The following OTC variants were observed in gnomAD, a reference collection of about 807,000 sequenced individuals.
The protein encoded by OTC is ornithine transcarbamylase.
Under a neutral mutation model 30.3 loss-of-function variants are expected in OTC, and 3 were observed. That is an observed-to-expected ratio of 0.10 (90% CI 0.05 to 0.26). OTC has a LOEUF of 0.26. Ranked by LOEUF, OTC falls within the 10% of genes least tolerant of loss-of-function variation. The pLI is 1.00. For missense variants in OTC, 194 were observed against 260.3 expected (o/e 0.75, Z 1.75); for synonymous variants, 111 against 99.7 (o/e 1.11, Z -0.67).
At chrX:38,349,807 G>A (rs970684942), upstream of OTC, among the ~76,000 whole-genome samples, 42 of 112,111 alleles carry the variant, frequency 3.7e-4, no homozygotes, top group African/African-American at 1.3e-3. Flanking sequence ...GGGGAAGACC[G>A]AATGCCAAGG....
intron 2 of OTC, among the ~76,000 whole-genome samples, chrX:38,369,286 A>G (rs764050165): frequency 1.8e-5 from 2 of 112,016 alleles, no homozygotes; most frequent in African/African-American, 6.5e-5. Flanking sequence ...TTACATGTCA[A>G]TAAGCTGTGG....
chrX:38,380,889 C>T (rs752349885), intron 3 of OTC, among the ~76,000 whole-genome samples: 8 of 111,194 alleles, frequency 7.2e-5, no homozygotes, highest in Non-Finnish European at 1.1e-4. Context: ...CCACCACGTC[C>T]GGCTAATTTT....
At chrX:38,337,461 A>G in the OTC span, among the ~76,000 whole-genome samples, 2 of 111,668 alleles carry the variant, frequency 1.8e-5, no homozygotes, top group Middle Eastern at 9.2e-3. Flanking sequence ...TCCAGTCTCT[A>G]ATCTTGTTCC....
intron 8 of OTC, among the ~76,000 whole-genome samples, chrX:38,410,921 G>T (rs189516864): frequency 4.5e-5 from 5 of 112,040 alleles, no homozygotes; most frequent in African/African-American, 1.6e-4. Flanking sequence ...TAATTTTGAG[G>T]TAAGAAAGTA....
intron 1 of OTC, among the ~76,000 whole-genome samples, chrX:38,356,391 C>T (rs1276440521): frequency 8.9e-6 from 1 of 111,860 alleles, no homozygotes; most frequent in Non-Finnish European, 1.9e-5. Context: ...GTAGAAAAAA[C>T]TGAGTTCTTT....
chrX:38,412,170 T>C (rs1291678327), intron 9 of OTC, among the ~76,000 whole-genome samples, 171 bp downstream of exon 9: 1 of 112,271 alleles, frequency 8.9e-6, no homozygotes, highest in East Asian at 2.8e-4. Context: ...CTTATTAGCA[T>C]TTATAGTGTA....
At chrX:38,412,035 T>C in intron 9 of OTC, 36 bp downstream of exon 9, 2 of 1,196,028 alleles carry the variant, frequency 1.7e-6, no homozygotes, top group South Asian at 3.5e-5. Flanking sequence ...ATAAGTTCTT[T>C]GTGTGGTTCC....
intron 4 of OTC, among the ~76,000 whole-genome samples, chrX:38,389,284 C>T (rs778116039): frequency 3.0e-4 from 33 of 111,022 alleles, no homozygotes; most frequent in Admixed American, 5.8e-4. Context: ...CCCTATGACA[C>T]CATAAAAGGG....
At chrX:38,334,170 T>A in the OTC span, among the ~76,000 whole-genome samples, 3 of 112,403 alleles carry the variant, frequency 2.7e-5, no homozygotes, top group Non-Finnish European at 3.7e-5. Flanking sequence ...CTTAGGTTAA[T>A]ATCTCTTATT....
chrX:38,408,624 G>C, intron 6 of OTC, 118 bp from the exon 7 acceptor site: 2 of 514,910 alleles, frequency 3.9e-6, no homozygotes. Flanking sequence ...ACTGAACATG[G>C]TGGGACCACA....
chrX:38,396,810 A>C (rs2068460028), intron 4 of OTC, among the ~76,000 whole-genome samples: 1 of 111,755 alleles, frequency 8.9e-6, no homozygotes, highest in Non-Finnish European at 1.9e-5. Context: ...ATGGACATTT[A>C]ACTAAGTTAG....
At chrX:38,339,528 G>GTTT in the OTC span, among the ~76,000 whole-genome samples, 1 of 82,895 alleles carries the variant, frequency 1.2e-5, no homozygotes. Flanking sequence ...GTACCCAATA[G>GTTT]TTTTTTTTTT....
the OTC span, among the ~76,000 whole-genome samples, chrX:38,337,830 A>G: frequency 7.2e-5 from 8 of 111,363 alleles, no homozygotes; most frequent in Admixed American, 2.9e-4. Flanking sequence ...ACCGTCCTCC[A>G]AGGGCCATGC....
At chrX:38,330,832 G>A in the OTC span, among the ~76,000 whole-genome samples, 1 of 112,103 alleles carries the variant, frequency 8.9e-6, no homozygotes, top group African/African-American at 3.2e-5. Flanking sequence ...CATCAAGGAC[G>A]TTCACATGCC....
chrX:38,330,886 G>A, the OTC span, among the ~76,000 whole-genome samples: 1 of 112,028 alleles, frequency 8.9e-6, no homozygotes, highest in African/African-American at 3.3e-5. Flanking sequence ...TTTTGTGGCT[G>A]TCTTTCCACT....
intron 4 of OTC, among the ~76,000 whole-genome samples, chrX:38,397,466 T>A (rs917678784): frequency 8.0e-5 from 9 of 112,196 alleles, no homozygotes; most frequent in African/African-American, 1.9e-4. Context: ...GTTCTTTTTT[T>A]AAAAATAGAA....
At chrX:38,388,003 T>C (rs1054785149) in intron 4 of OTC, among the ~76,000 whole-genome samples, 1 of 111,803 alleles carries the variant, frequency 8.9e-6, no homozygotes, top group Non-Finnish European at 1.9e-5. Flanking sequence ...AAGTCCAAGT[T>C]CCTAGATGCT....
chrX:38,336,698 A>G, the OTC span, among the ~76,000 whole-genome samples: 1 of 110,008 alleles, frequency 9.1e-6, no homozygotes, highest in Non-Finnish European at 1.9e-5. Context: ...GGAGTATTCA[A>G]TTGGCCGAGG....
chrX:38,361,670 A>T (rs5963416), intron 1 of OTC, among the ~76,000 whole-genome samples: 45,434 of 110,772 alleles, frequency 0.41, 7,170 homozygotes, highest in Middle Eastern at 0.55. Flanking sequence ...ATAGGTTCTA[A>T]GATGAGAAAG....
Sources: allele counts gnomAD v4.1 joint callset (sites outside exome capture counted in the v4.1 genomes callset), GRCh38; gene constraint gnomAD v4.1.1; transcripts MANE v1.5; gene names NCBI Gene and HGNC (gene_info 2026-07-23, HGNC 2026-07-21).